Variants in LRRC4C observed in about 807,000 individuals in gnomAD.
LRRC4C encodes the protein leucine-rich repeat-containing protein 4C.
Under a neutral mutation model 33.6 loss-of-function variants are expected in LRRC4C, and 5 were observed. The ratio of observed to expected loss-of-function variants is 0.15; its 90% CI spans 0.08 to 0.31. LRRC4C has a LOEUF of 0.31. LRRC4C is among the 10% of genes least tolerant of loss of function. The pLI is 1.00. For synonymous variants in LRRC4C, 329 were observed against 302.0 expected (o/e 1.09, Z -0.93); for missense variants, 560 against 796.7 (o/e 0.70, Z 3.58).
chr11:40,284,196 T>A lies in LRRC4C; in HGVS notation c.-176+35432A>T, dbSNP rs142118110. 3.8e-3 allele frequency among the ~76,000 whole-genome samples: 580 copies of A among 152,264 alleles called. 4 individuals carry two copies. The highest frequency in any genetic ancestry group is 0.01 in the Admixed American group (153 of 15,288). Reference sequence around the variant, plus strand: ...TGCTCTGAGACTTGACATATGAAGATCATATCCTAGGTAAATGGATTAGCT... The same window carrying A: ...TGCTCTGAGACTTGACATATGAAGAACATATCCTAGGTAAATGGATTAGCT... On this transcript the variant is annotated intron_variant, in intron 4 of 6. Transcript: ENST00000528697.
chr11:41,201,035 A>G (rs551778589), intron 1 of LRRC4C, among the ~76,000 whole-genome samples: 3 of 152,316 alleles, frequency 2.0e-5, no homozygotes, highest in South Asian at 4.1e-4. Context: ...TTAATTTCCA[A>G]TGTTTTAAGA....
Position 41,299,345 on chromosome 11 carries a change from T to G in LRRC4C, c.-496+160086A>C, listed in dbSNP as rs546112083. Among the ~76,000 whole-genome samples, 8 of 152,276 alleles carry G rather than the reference T, an allele frequency of 5.3e-5. No homozygotes were observed. In the East Asian group the frequency reaches 1.3e-3, roughly 26 times the overall value. ...TAATTGTAAACAACTTTAGCATTCTTTTTCATTAAGGTTACATTGCATCAA... is the reference window on the plus strand; with the variant it reads ...TAATTGTAAACAACTTTAGCATTCTGTTTCATTAAGGTTACATTGCATCAA... On this transcript the variant is annotated intron_variant, in intron 1 of 6. Coordinates refer to ENST00000528697, the MANE Select transcript of LRRC4C (RefSeq NM_001258419.2).
chr11:41,360,073 C>G (rs1004411075), intron 1 of LRRC4C, among the ~76,000 whole-genome samples: 2 of 152,160 alleles, frequency 1.3e-5, no homozygotes, highest in Non-Finnish European at 2.9e-5. Flanking sequence ...ATCCCACTTA[C>G]TCAGGAGGCT....
intron 3 of LRRC4C, among the ~76,000 whole-genome samples, chr11:40,359,909 G>A (rs1202307416): frequency 1.3e-5 from 2 of 152,004 alleles, no homozygotes; most frequent in African/African-American, 2.4e-5. Context: ...GAGATTCAAG[G>A]GAAAAAAGTG....
intron 2 of LRRC4C, among the ~76,000 whole-genome samples, chr11:40,745,039 G>T (rs1948348389): frequency 6.6e-6 from 1 of 152,132 alleles, no homozygotes. Context: ...AAACATAAAA[G>T]CACTAAGCAA....
At chr11:40,754,726 T>C (rs1469018731) in intron 2 of LRRC4C, among the ~76,000 whole-genome samples, 1 of 152,154 alleles carries the variant, frequency 6.6e-6, no homozygotes, top group Non-Finnish European at 1.5e-5. Flanking sequence ...AATTTCCTCT[T>C]GTTTTATTTC....
At chr11:41,204,716 TGC>T (rs879377180) in intron 1 of LRRC4C, among the ~76,000 whole-genome samples, 73 of 152,320 alleles carry the variant, frequency 4.8e-4, no homozygotes, top group Non-Finnish European at 9.1e-4. Flanking sequence ...TTTTCCTTTT[TGC>T]CTTTCTTTCT....
At chr11:40,565,581 C>A (rs533323217) in intron 3 of LRRC4C, among the ~76,000 whole-genome samples, 6 of 152,236 alleles carry the variant, frequency 3.9e-5, no homozygotes, top group Non-Finnish European at 7.4e-5. Context: ...CCTACCCAAA[C>A]TCCCTTCCTT....
At position 40,202,398 on chromosome 11, in the gene LRRC4C, G is replaced by C. The variant is rs61358104; in HGVS notation, c.-96+39121C>G. On this transcript the variant is annotated intron_variant, in intron 5 of 6. Transcript: ENST00000528697. ...TTGAGAAAATTAATCACAAAGAAATGGTGTCAGGTGAAGGGAAAGTCAAGC... is the reference window on the plus strand; with the variant it reads ...TTGAGAAAATTAATCACAAAGAAATCGTGTCAGGTGAAGGGAAAGTCAAGC... Among the ~76,000 whole-genome samples the C allele has an allele frequency of 4.6e-3, 701 of 151,982 alleles. 6 individuals are homozygous for C. Among genetic ancestry groups the C allele is most frequent in the African/African-American group, 0.016 (680 of 41,430 alleles).
chr11:41,088,415 A>G (rs1940161794), intron 1 of LRRC4C, among the ~76,000 whole-genome samples: 1 of 152,000 alleles, frequency 6.6e-6, no homozygotes, highest in African/African-American at 2.4e-5. Flanking sequence ...ATATCAGTAA[A>G]GAATTATAGT....
intron 1 of LRRC4C, among the ~76,000 whole-genome samples, chr11:41,152,835 G>T (rs1944058995): frequency 6.6e-6 from 1 of 152,102 alleles, no homozygotes; most frequent in East Asian, 1.9e-4. Context: ...GTCTGTAGAA[G>T]GTTGGTCTCC....
chr11:40,646,871 G>A (rs1278605106), intron 3 of LRRC4C, among the ~76,000 whole-genome samples: 6 of 152,198 alleles, frequency 3.9e-5, no homozygotes, highest in Non-Finnish European at 8.8e-5. Flanking sequence ...CTCCCAAAAT[G>A]CTGGGATTAC....
intron 3 of LRRC4C, among the ~76,000 whole-genome samples, chr11:40,593,044 A>G (rs1232118572): frequency 1.3e-5 from 2 of 152,186 alleles, no homozygotes; most frequent in African/African-American, 2.4e-5. Flanking sequence ...ATCAATACAA[A>G]TTACAATTTC....
intron 3 of LRRC4C, among the ~76,000 whole-genome samples, chr11:40,469,484 G>A (rs1952819104): frequency 6.6e-6 from 1 of 152,128 alleles, no homozygotes; most frequent in Admixed American, 6.5e-5. Flanking sequence ...CTAGCTGCAG[G>A]AATTTTTTGT....
intron 3 of LRRC4C, among the ~76,000 whole-genome samples, chr11:40,645,456 G>A (rs1362679932): frequency 6.6e-6 from 1 of 152,160 alleles, no homozygotes; most frequent in African/African-American, 2.4e-5. Flanking sequence ...CTCCCTGTTT[G>A]CCAATACAGG....
At chr11:40,804,853 T>C (rs770367326) in intron 2 of LRRC4C, among the ~76,000 whole-genome samples, 40 of 152,314 alleles carry the variant, frequency 2.6e-4, no homozygotes, top group Middle Eastern at 3.4e-3. Flanking sequence ...CTCCATTGCA[T>C]TGGTCAAAAG....
At position 40,849,047 on chromosome 11, in the gene LRRC4C, C is replaced by T. The variant is rs578160513; in HGVS notation, c.-407+84588G>A. 9.9e-5 allele frequency among the ~76,000 whole-genome samples: 15 copies of T among 152,172 alleles called. No individual in the cohort carries two copies. In the South Asian group the frequency reaches 1.2e-3, roughly 13 times the overall value. On this transcript the variant is annotated intron_variant, in intron 2 of 6. Transcript: ENST00000528697. ...TTTGAGCATATTGTGTGTCTTTTCA[C>T]GAGATGGGTCTCCTGAATACAGCAC...
intron 5 of LRRC4C, among the ~76,000 whole-genome samples, chr11:40,220,877 G>GT (rs5791363): frequency 7.9e-4 from 112 of 141,616 alleles, no homozygotes; most frequent in African/African-American, 2.5e-3. Context: ...TGTGTTTTTG[G>GT]TTTTTTTTTT....
chr11:41,128,732 T>C (rs1275381087), intron 1 of LRRC4C, among the ~76,000 whole-genome samples: 2 of 152,042 alleles, frequency 1.3e-5, no homozygotes, highest in African/African-American at 4.8e-5. Flanking sequence ...AAATTAACCA[T>C]TGGCAGGTCA....
Sources: allele counts gnomAD v4.1 joint callset (sites outside exome capture counted in the v4.1 genomes callset), GRCh38; gene constraint gnomAD v4.1.1; transcripts MANE v1.5; gene names NCBI Gene and HGNC (gene_info 2026-07-23, HGNC 2026-07-21).